HCN2: variants seen among roughly 807,000 people sequenced by gnomAD.
HCN2 encodes hyperpolarization activated cyclic nucleotide gated potassium and sodium channel 2, also known as potassium/sodium hyperpolarization-activated cyclic nucleotide-gated channel 2.
HCN2 carries 20 observed loss-of-function variants against 52.3 expected under a neutral mutation model. The observed-to-expected ratio is 0.38, with a 90% CI of 0.27 to 0.56. The LOEUF (loss-of-function observed/expected upper bound fraction) is 0.56, where lower values mean the gene tolerates loss of function less well. Among genes scored for constraint, HCN2 ranks in the 20% least tolerant of loss-of-function variants. HCN2 has a pLI of 0.71. For synonymous variants in HCN2, 694 were observed against 537.0 expected, an observed-to-expected ratio of 1.29 and a Z score of -4.04; for missense variants, 981 against 1,207.7, an observed-to-expected ratio of 0.81 and a Z score of 2.78.
chr19:598,959 G>C (rs1983118696), intron 1 of HCN2, among the ~76,000 whole-genome samples: 1 of 152,066 alleles, frequency 6.6e-6, no homozygotes, highest in Non-Finnish European at 1.5e-5. Flanking sequence ...TTCTTGGGGG[G>C]TGTCCCGAAG....
At chr19:594,949 C>T (rs1426617536) in intron 1 of HCN2, among the ~76,000 whole-genome samples, 1 of 152,160 alleles carries the variant, frequency 6.6e-6, no homozygotes, top group Non-Finnish European at 1.5e-5. Context: ...GCCTGTAATG[C>T]CAGTACTTTG....
intron 7 of HCN2, among the ~76,000 whole-genome samples, 186 bp from the exon 8 acceptor site, chr19:615,609 A>C (rs1983865293): frequency 6.6e-6 from 1 of 152,220 alleles, no homozygotes; most frequent in Non-Finnish European, 1.5e-5. Context: ...TATGGCAGGT[A>C]CTCAATATCC....
rs956719421 is a variant in HCN2, at chr19:592,398, G to A, written c.632+1821G>A. Among the ~76,000 whole-genome samples the A allele has an allele frequency of 2.0e-5, 3 of 152,210 alleles. No homozygotes were observed. In the South Asian group the frequency reaches 6.2e-4, roughly 31 times the overall value. On this transcript the variant is annotated intron_variant, in intron 1 of 7. Coordinates refer to ENST00000251287, the MANE Select transcript of HCN2 (RefSeq NM_001194.4). This position sits in a 1 kb window ranked among gnomAD's most constrained non-coding sequence, Gnocchi z 4.8. Reference sequence around the variant, plus strand: ...AGGTGGGCAGATGGCTGATCCCGGGGCTTGGGGGGAAGGCCGGTGGTAGGA... The same window carrying A: ...AGGTGGGCAGATGGCTGATCCCGGGACTTGGGGGGAAGGCCGGTGGTAGGA...
chr19:595,955 G>A lies in HCN2; in HGVS notation c.632+5378G>A, dbSNP rs903886433. 4.6e-5 allele frequency among the ~76,000 whole-genome samples: 7 copies of A among 152,222 alleles called. No homozygotes were observed. The East Asian group carries it at 5.8e-4, about 13-fold the overall frequency. ...CTGCGGGGAGGGCCTGGCTGCCCTC[G>A]CCCGTTCCCCAACCCGGGACTCAGG... On this transcript the variant is annotated intron_variant, in intron 1 of 7. Transcript: ENST00000251287.
chr19:605,913 A>C (rs1381954005), intron 3 of HCN2, among the ~76,000 whole-genome samples: 1 of 152,148 alleles, frequency 6.6e-6, no homozygotes, highest in African/African-American at 2.4e-5. Flanking sequence ...CCAGGACTGC[A>C]GCCCCGGCAC....
intron 1 of HCN2, among the ~76,000 whole-genome samples, chr19:600,830 A>G (rs1456799126): frequency 6.6e-6 from 1 of 152,136 alleles, no homozygotes; most frequent in Admixed American, 6.6e-5. Context: ...AAACCTATCA[A>G]TCAGTGTCAT....
intron 1 of HCN2, among the ~76,000 whole-genome samples, chr19:601,604 C>T (rs185361786): frequency 1.1e-4 from 17 of 150,668 alleles, no homozygotes; most frequent in African/African-American, 3.2e-4. Flanking sequence ...GTGAACACGG[C>T]GGGGTGCTCG....
rs890357903 is a variant in HCN2, at chr19:614,149, G to A, written c.1990+133G>A. Reference sequence around the variant, plus strand: ...TGGCATCAGGGGCACGGTTGGGGCAGAGACGTGGCCAAGGCATCAGGAGTG... The same window carrying A: ...TGGCATCAGGGGCACGGTTGGGGCAAAGACGTGGCCAAGGCATCAGGAGTG... On this transcript the variant is annotated intron_variant, in intron 7 of 7. Coordinates refer to ENST00000251287, the MANE Select transcript of HCN2 (RefSeq NM_001194.4). 16 of 673,692 alleles carry A rather than the reference G, an allele frequency of 2.4e-5. No homozygotes were observed. The African/African-American group carries it at 2.7e-4, about 11-fold the overall frequency. 41.7% of individuals were successfully genotyped at this position (673,692 alleles called of 1,614,324 possible).
chr19:602,023 C>A (rs986074868), intron 1 of HCN2, among the ~76,000 whole-genome samples: 1 of 151,424 alleles, frequency 6.6e-6, no homozygotes, highest in African/African-American at 2.4e-5. Flanking sequence ...TTCCTCCCAC[C>A]CTCTCGGCCT....
chr19:606,624 A>ATGG (rs1489965486), intron 3 of HCN2, among the ~76,000 whole-genome samples: 10 of 149,676 alleles, frequency 6.7e-5, no homozygotes, highest in East Asian at 4.1e-4. Flanking sequence ...AGGCTGAGGC[A>ATGG]GGCGGATCAC....
Position 604,725 on chromosome 19 carries a change from TCAGGGGTGGGGATATGAG to T in HCN2, c.1057-335_1057-318del, listed in dbSNP as rs1568364622. ...GGTTTTGCTGGGGCAGGGCCAGACA[TCAGGGGTGGGGATATGAG>T]GGTTGTGCTGGGGCGGTGTCAGACA... On this transcript the variant is annotated intron_variant, in intron 2 of 7. Transcript: ENST00000251287. 9.1e-3 allele frequency among the ~76,000 whole-genome samples: 543 copies of T among 59,776 alleles called. 1 individual carries two copies. The highest frequency in any genetic ancestry group is 0.016 in the Admixed American group (68 of 4,356). 39.2% of individuals were successfully genotyped at this position (59,776 alleles called of 152,430 possible).
chr19:593,697 G>A (rs537894855), intron 1 of HCN2, among the ~76,000 whole-genome samples: 12 of 152,232 alleles, frequency 7.9e-5, no homozygotes, highest in South Asian at 6.2e-4. Flanking sequence ...TCTACACCCC[G>A]GCCTGACGTC....
intron 3 of HCN2, among the ~76,000 whole-genome samples, chr19:606,941 GT>G (rs370577362): frequency 0.54 from 81,508 of 150,368 alleles, 24,371 homozygotes; most frequent in African/African-American, 0.8. Context: ...GGAGGCCGAG[GT>G]GGGGCTGATC....
intron 7 of HCN2, 103 bp downstream of exon 7, chr19:614,119 G>T: frequency 1.4e-6 from 1 of 739,042 alleles, no homozygotes; most frequent in East Asian, 3.2e-5. Context: ...GGAAGGGCGT[G>T]GCTGTGGCAT....
In HCN2 at chr19:614,033, C is replaced by A; in HGVS notation, c.1990+17C>A. The A allele has an allele frequency of 7.0e-7, 1 of 1,421,482 alleles. No individual in the cohort carries two copies. The highest frequency in any genetic ancestry group is 9.4e-7 in the Non-Finnish European group (1 of 1,059,832). 88.1% of individuals were successfully genotyped at this position (1,421,482 alleles called of 1,614,324 possible). On this transcript the variant is annotated intron_variant, in intron 7 of 7. Transcript: ENST00000251287. The stretch of plus-strand genomic sequence containing the variant: ...ACCGCATCGGTGAGCGGGCCGGGGG[C>A]GTGGCCGGGGCGGGTGCCCTGGCGG...
chr19:614,311 T>G (rs1230671497), intron 7 of HCN2, among the ~76,000 whole-genome samples: 1 of 152,164 alleles, frequency 6.6e-6, no homozygotes, highest in Admixed American at 6.5e-5. Flanking sequence ...AGGGAGGGAA[T>G]GCACAGGGTG....
chr19:597,211 G>C (rs1270938812), intron 1 of HCN2, among the ~76,000 whole-genome samples: 1 of 152,224 alleles, frequency 6.6e-6, no homozygotes, highest in Non-Finnish European at 1.5e-5. Flanking sequence ...GGCAAGATGG[G>C]CTGAGGAGTC....
rs1982883342 is a variant in HCN2 at position 591,854 on chromosome 19, A to G, written c.632+1277A>G. On this transcript the variant is annotated intron_variant, in intron 1 of 7. Transcript: ENST00000251287. The surrounding 1 kb of genome is among the most constrained non-coding windows in gnomAD (Gnocchi z 4.1). ...GCACCCCTAGTGCTTGACTGGAGAAACTGAGGCCTGGGGCACATGCGTCCT... is the reference window on the plus strand; with the variant it reads ...GCACCCCTAGTGCTTGACTGGAGAAGCTGAGGCCTGGGGCACATGCGTCCT... 6.6e-6 allele frequency among the ~76,000 whole-genome samples: 1 copy of G among 152,116 alleles called. No individual in the cohort carries two copies. Among genetic ancestry groups the G allele is most frequent in the Non-Finnish European group, 1.5e-5 (1 of 68,008 alleles).
At chr19:596,565 G>A (rs1274106037) in intron 1 of HCN2, among the ~76,000 whole-genome samples, 3 of 152,218 alleles carry the variant, frequency 2.0e-5, no homozygotes, top group Admixed American at 6.5e-5. Flanking sequence ...TCGGGGATGG[G>A]TTTTAAATAC....
Sources: gnomAD v4.1 joint callset for allele counts (sites outside exome capture counted in the v4.1 genomes callset) on GRCh38, gnomAD v4.1.1 for gene constraint, Gnocchi (gnomAD v3.1) non-coding constraint, MANE v1.5 for transcripts, NCBI Gene and HGNC (gene_info 2026-07-23, HGNC 2026-07-21) for gene names.